The following MSI2 variants were observed in gnomAD, a reference collection of about 807,000 sequenced individuals.
The protein encoded by MSI2 is musashi RNA binding protein 2.
MSI2 carries 17 observed loss-of-function variants against 45.6 expected under a neutral mutation model. The ratio of observed to expected loss-of-function variants is 0.37; its 90% CI spans 0.26 to 0.56. The LOEUF (loss-of-function observed/expected upper bound fraction) is 0.56. Ranked by LOEUF, MSI2 falls within the 20% of genes least tolerant of loss-of-function variation. The probability of loss-of-function intolerance (pLI) is 0.77; values close to 1 mark genes in which losing one functional copy is unlikely to be tolerated. For missense variants in MSI2, 293 were observed against 444.2 expected (o/e 0.66, Z 3.06); for synonymous variants, 156 against 158.2 (o/e 0.99, Z 0.11).
intron 5 of MSI2, among the ~76,000 whole-genome samples, chr17:57,295,558 A>G (rs371074110): frequency 2.4e-3 from 360 of 152,252 alleles, no homozygotes; most frequent in African/African-American, 8.3e-3. Context: ...CTAAGTTGAA[A>G]TAGGCTCTAT....
chr17:57,440,280 G>C (rs1170732465), intron 6 of MSI2, among the ~76,000 whole-genome samples: 1 of 152,132 alleles, frequency 6.6e-6, no homozygotes, highest in Admixed American at 6.5e-5. Flanking sequence ...AGGAAGCCGT[G>C]CCCCTCATTC....
chr17:57,270,462 G>A (rs1908255590), intron 5 of MSI2, among the ~76,000 whole-genome samples: 1 of 152,212 alleles, frequency 6.6e-6, no homozygotes, highest in African/African-American at 2.4e-5. Flanking sequence ...TTTGCCTGAT[G>A]GCTATAAAAT....
At chr17:57,319,548 C>A (rs1913152216) in intron 5 of MSI2, among the ~76,000 whole-genome samples, 2 of 152,182 alleles carry the variant, frequency 1.3e-5, no homozygotes, top group South Asian at 4.1e-4. Flanking sequence ...TCGAGAGCTG[C>A]TTTATGGCTG....
At chr17:57,589,565 G>T (rs1412511686) in intron 7 of MSI2, among the ~76,000 whole-genome samples, 1 of 152,198 alleles carries the variant, frequency 6.6e-6, no homozygotes, top group Admixed American at 6.5e-5. Context: ...CCCGAGGTGT[G>T]GGGTTGCCAA....
At chr17:57,598,685 CAG>C (rs1448422421) in intron 8 of MSI2, among the ~76,000 whole-genome samples, 4 of 151,678 alleles carry the variant, frequency 2.6e-5, no homozygotes, top group African/African-American at 2.4e-5. Flanking sequence ...TTAATTGAGA[CAG>C]AGTCTTGCTT....
At chr17:57,548,898 T>TCCCCCTC (rs2087234397) in intron 7 of MSI2, among the ~76,000 whole-genome samples, 1 of 121,300 alleles carries the variant, frequency 8.2e-6, no homozygotes. Context: ...TGTTTACCCT[T>TCCCCCTC]CCCCCCCCCA....
chr17:57,347,637 C>T (rs1030172710), intron 5 of MSI2, among the ~76,000 whole-genome samples: 7 of 152,092 alleles, frequency 4.6e-5, no homozygotes, highest in African/African-American at 1.2e-4. Context: ...TGATGTTCAG[C>T]GAGGTCACTC....
chr17:57,435,910 T>TTGC (rs1381670984), intron 6 of MSI2, among the ~76,000 whole-genome samples: 1 of 152,168 alleles, frequency 6.6e-6, no homozygotes, highest in African/African-American at 2.4e-5. Context: ...CTTGGGGGAT[T>TTGC]TGCTCTACTA....
intron 5 of MSI2, among the ~76,000 whole-genome samples, chr17:57,281,687 C>T (rs996697786): frequency 1.3e-5 from 2 of 152,158 alleles, no homozygotes; most frequent in Non-Finnish European, 2.9e-5. Context: ...TCGGGAGAGG[C>T]GTACGAGCTG....
chr17:57,315,555 C>T (rs1010923347), intron 5 of MSI2, among the ~76,000 whole-genome samples: 1 of 152,090 alleles, frequency 6.6e-6, no homozygotes, highest in Non-Finnish European at 1.5e-5. Flanking sequence ...GAAGGCTGGG[C>T]CCACTCCTCA....
intron 5 of MSI2, among the ~76,000 whole-genome samples, chr17:57,330,775 C>T (rs545973132): frequency 2.6e-5 from 4 of 152,100 alleles, no homozygotes; most frequent in Admixed American, 6.5e-5. Flanking sequence ...AGTGGTAGAA[C>T]GAGCACCACA....
chr17:57,268,542 A>C (rs968270225), intron 5 of MSI2: 1 of 151,956 alleles, frequency 6.6e-6, no homozygotes, highest in Non-Finnish European at 1.5e-5. Flanking sequence ...AATAATTAAA[A>C]AAAAAAAAAA....
chr17:57,570,657 A>C (rs1310780666), intron 7 of MSI2, among the ~76,000 whole-genome samples: 1 of 152,194 alleles, frequency 6.6e-6, no homozygotes, highest in Non-Finnish European at 1.5e-5. Context: ...CATTATGCCT[A>C]TTCAGATTGT....
rs1909274900 is a variant in MSI2, at chr17:57,280,008, G to C, written c.312+17816G>C. On this transcript the variant is annotated intron_variant, in intron 5 of 13. Coordinates refer to ENST00000284073, the MANE Select transcript of MSI2 (RefSeq NM_138962.4). The surrounding 1 kb of genome is among the most constrained non-coding windows in gnomAD (Gnocchi z 4.2). ...TACATCCATGCATTGGATGTTAAAG[G>C]GATCATAACAAAAAAAAAAAAACAG... 6.8e-6 allele frequency: 1 copy of C among 146,518 alleles called. No individual in the cohort carries two copies. Among genetic ancestry groups the C allele is most frequent in the Non-Finnish European group, 1.5e-5 (1 of 67,272 alleles). 9.1% of individuals were successfully genotyped at this position (146,518 alleles called of 1,614,324 possible).
intron 6 of MSI2, among the ~76,000 whole-genome samples, chr17:57,447,383 C>T (rs764713831): frequency 3.3e-5 from 5 of 152,334 alleles, no homozygotes; most frequent in Admixed American, 6.5e-5. Context: ...GGTTTACAGG[C>T]GCAAGCCACT....
At chr17:57,476,409 C>T (rs1043216382) in intron 6 of MSI2, among the ~76,000 whole-genome samples, 3 of 152,192 alleles carry the variant, frequency 2.0e-5, no homozygotes, top group African/African-American at 2.4e-5. Flanking sequence ...ACAACTGTTT[C>T]GTCTAGAGTG....
chr17:57,447,199 A>C (rs899737708), intron 6 of MSI2, among the ~76,000 whole-genome samples: 6 of 152,062 alleles, frequency 3.9e-5, no homozygotes, highest in African/African-American at 1.4e-4. Flanking sequence ...TGATCCTCCC[A>C]CCTCAGCCTC....
At chr17:57,535,008 G>C (rs1327418345) in intron 7 of MSI2, among the ~76,000 whole-genome samples, 5 of 152,242 alleles carry the variant, frequency 3.3e-5, no homozygotes, top group Admixed American at 3.3e-4. Flanking sequence ...TGGGGCTGGA[G>C]GGGAGGGACA....
At chr17:57,260,324 A>G (rs1407015013) in intron 4 of MSI2, among the ~76,000 whole-genome samples, 1 of 152,148 alleles carries the variant, frequency 6.6e-6, no homozygotes, top group Non-Finnish European at 1.5e-5. Context: ...ATACGGCCAC[A>G]CACCATCCAG....
Sources: allele counts gnomAD v4.1 joint callset (sites outside exome capture counted in the v4.1 genomes callset), GRCh38; gene constraint gnomAD v4.1.1; non-coding constraint Gnocchi (gnomAD v3.1); transcripts MANE v1.5; gene names NCBI Gene and HGNC (gene_info 2026-07-23, HGNC 2026-07-21).